Variants in DENND4A observed in about 807,000 individuals in gnomAD.
DENND4A encodes C-myc promoter-binding protein.
DENND4A carries 70 observed loss-of-function variants against 199.3 expected under a neutral mutation model. The observed-to-expected ratio is 0.35, with a 90% CI of 0.29 to 0.43. The LOEUF (loss-of-function observed/expected upper bound fraction) is 0.43, where lower values mean the gene tolerates loss of function less well. Among genes scored for constraint, DENND4A ranks in the 20% least tolerant of loss-of-function variants. The pLI is 1.00. For missense variants in DENND4A, 1,723 were observed against 2,255.8 expected, an observed-to-expected ratio of 0.76 and a Z score of 4.78; for synonymous variants, 686 against 766.9, an observed-to-expected ratio of 0.89 and a Z score of 1.74.
At position 65,681,781 on chromosome 15, in the gene DENND4A, T is replaced by C. The variant is rs370679860; in HGVS notation, c.4180-5147A>G. Reference sequence around the variant, plus strand: ...CAGGGTTTTGCCATGTTGCCCAGACTGGTCTCAAATTTCTGAGCTCAAGGG... The same window carrying C: ...CAGGGTTTTGCCATGTTGCCCAGACCGGTCTCAAATTTCTGAGCTCAAGGG... On this transcript the variant is annotated intron_variant, in intron 23 of 32. Coordinates refer to ENST00000443035, the MANE Select transcript of DENND4A (RefSeq NM_001320835.1). Among the ~76,000 whole-genome samples, 228 of 152,252 alleles carry C rather than the reference T, an allele frequency of 1.5e-3. 4 individuals carry two copies. The highest frequency in any genetic ancestry group is 5.4e-3 in the African/African-American group (223 of 41,534).
chr15:65,789,055 T>C (rs7162478), intron 1 of DENND4A, among the ~76,000 whole-genome samples: 5,911 of 152,170 alleles, frequency 0.039, 390 homozygotes, highest in African/African-American at 0.14. Flanking sequence ...ATTATACTTA[T>C]GTCAGTACAT....
intron 1 of DENND4A, chr15:65,766,832 T>C (rs899953851): frequency 6.6e-5 from 10 of 152,128 alleles, no homozygotes; most frequent in African/African-American, 2.4e-4. Context: ...GCTACAGAAC[T>C]ACAGTGAGGA....
At chr15:65,727,634 G>C (rs2075840770) in intron 11 of DENND4A, among the ~76,000 whole-genome samples, 1 of 152,020 alleles carries the variant, frequency 6.6e-6, no homozygotes, top group South Asian at 2.1e-4. Context: ...TTTAAAAAAG[G>C]AGAAAAACCT....
chr15:65,775,584 T>C (rs1334608854), intron 1 of DENND4A, among the ~76,000 whole-genome samples: 1 of 124,250 alleles, frequency 8.0e-6, no homozygotes, highest in Non-Finnish European at 1.5e-5. Context: ...AAGGTTGCAG[T>C]GAGCCAAGAT....
chr15:65,774,309 G>A (rs1475725093), intron 1 of DENND4A, among the ~76,000 whole-genome samples: 5 of 152,132 alleles, frequency 3.3e-5, no homozygotes, highest in African/African-American at 1.2e-4. Flanking sequence ...TGACCAACAT[G>A]GAGAAACCCA....
intron 6 of DENND4A, 47 bp from the exon 7 acceptor site, chr15:65,737,992 T>A: frequency 6.7e-7 from 1 of 1,499,900 alleles, no homozygotes. Context: ...GTATCATATA[T>A]CCAAATCACA....
chr15:65,706,298 T>C (rs972057266), intron 14 of DENND4A, 74 bp from the exon 15 acceptor site: 7 of 1,333,340 alleles, frequency 5.2e-6, no homozygotes, highest in Admixed American at 3.3e-5. Flanking sequence ...GGGAAGTGGT[T>C]AAATAAACCA....
Position 65,690,857 on chromosome 15 carries a change from C to T in DENND4A, c.3737G>A (p.Arg1246His), listed in dbSNP as rs912976987. The T allele has an allele frequency of 8.7e-6, 14 of 1,612,280 alleles. No homozygotes were observed. The highest frequency in any genetic ancestry group is 1.6e-4 in the Middle Eastern group (1 of 6,080). The change falls in exon 23 of 33, where the codon CGT (arginine) becomes CAT (histidine). Residue 1246 changes from arginine to histidine, a missense_variant. Physicochemically the swap from Arg to His is conservative, Grantham distance 29. Coordinates refer to ENST00000443035, the MANE Select transcript of DENND4A (RefSeq NM_001320835.1). ...CATCACAATTTCTTCAGCTAAATCA[C>T]GCCTAGCAGATGGTGTTGAAATGCT... The part of the protein sequence containing the change: ...SKSISTPSAR[R>H]DLAEEIVMYM...
rs201513707 is a variant in DENND4A, at chr15:65,664,540, C to T, written c.5522+20G>A. 1.7e-5 allele frequency: 27 copies of T among 1,602,984 alleles called. No homozygotes were observed. The highest frequency in any genetic ancestry group is 5.1e-5 in the Admixed American group (3 of 59,002). On this transcript the variant is annotated intron_variant, in intron 31 of 32. Coordinates refer to ENST00000443035, the MANE Select transcript of DENND4A (RefSeq NM_001320835.1). The stretch of plus-strand genomic sequence containing the variant: ...AATCTGCCTAGGAGAACAATATATT[C>T]GTCTAAGAGAAGGACTTACCTCTGT...
intron 24 of DENND4A, among the ~76,000 whole-genome samples, chr15:65,672,778 T>C (rs535717124): frequency 6.6e-6 from 1 of 152,282 alleles, no homozygotes; most frequent in East Asian, 1.9e-4. Context: ...AGTGATTGTA[T>C]CTTGTCAGTA....
intron 1 of DENND4A, among the ~76,000 whole-genome samples, chr15:65,773,335 A>G (rs2077192266): frequency 6.6e-6 from 1 of 152,238 alleles, no homozygotes; most frequent in African/African-American, 2.4e-5. Context: ...AGAACCAGGC[A>G]CTAAAACACA....
intron 22 of DENND4A, among the ~76,000 whole-genome samples, chr15:65,692,873 AG>A (rs2077019621): frequency 6.6e-6 from 1 of 152,162 alleles, no homozygotes; most frequent in African/African-American, 2.4e-5. Context: ...TATGACCTGA[AG>A]ACCAAGTTGG....
intron 12 of DENND4A, among the ~76,000 whole-genome samples, chr15:65,722,462 G>T (rs2075676984): frequency 6.6e-6 from 1 of 151,596 alleles, no homozygotes; most frequent in Admixed American, 6.6e-5. Context: ...GCAAGACCGT[G>T]TCTCAAAAGA....
At chr15:65,699,748 T>C (rs1242458972) in intron 20 of DENND4A, among the ~76,000 whole-genome samples, 1 of 150,520 alleles carries the variant, frequency 6.6e-6, no homozygotes, top group Non-Finnish European at 1.5e-5. Context: ...GGCTTGATCA[T>C]GGCTCACTGC....
chr15:65,705,022 A>T (rs114927289), intron 15 of DENND4A, among the ~76,000 whole-genome samples: 5,783 of 152,342 alleles, frequency 0.038, 382 homozygotes, highest in African/African-American at 0.13. Flanking sequence ...TACAAAAGAG[A>T]TTAAAAAATG....
At chr15:65,694,269 T>C (rs535843375) in intron 22 of DENND4A, among the ~76,000 whole-genome samples, 1 of 152,274 alleles carries the variant, frequency 6.6e-6, no homozygotes, top group African/African-American at 2.4e-5. Flanking sequence ...GCCAACATGG[T>C]GAAACTCCGT....
intron 1 of DENND4A, chr15:65,771,797 T>C (rs2077134223): frequency 1.9e-6 from 3 of 1,613,770 alleles, no homozygotes; most frequent in Non-Finnish European, 1.7e-6. Flanking sequence ...TGTTCTTCAT[T>C]GCCCGTGAGG....
intron 1 of DENND4A, among the ~76,000 whole-genome samples, chr15:65,788,137 C>T (rs1239834335): frequency 3.3e-5 from 5 of 150,916 alleles, no homozygotes; most frequent in Admixed American, 6.6e-5. Flanking sequence ...GGTGCAGTGG[C>T]GCTATCTCTG....
chr15:65,771,326 C>T (rs910295751), intron 1 of DENND4A: 45 of 1,587,314 alleles, frequency 2.8e-5, no homozygotes, highest in East Asian at 6.7e-5. Flanking sequence ...GCAGTTATTT[C>T]GAATATTAGT....
Sources: gnomAD v4.1 joint callset for allele counts (sites outside exome capture counted in the v4.1 genomes callset) on GRCh38, gnomAD v4.1.1 for gene constraint, MANE v1.5 for transcripts, NCBI Gene and HGNC (gene_info 2026-07-23, HGNC 2026-07-21) for gene names.